Variants in DLC1 observed in about 807,000 individuals in gnomAD.
DLC1 encodes the protein rho GTPase-activating protein 7.
Under a neutral mutation model 140.3 loss-of-function variants are expected in DLC1, and 54 were observed. That is an observed-to-expected ratio of 0.38 (90% CI 0.31 to 0.48). DLC1 has a LOEUF of 0.48. DLC1 is among the 20% of genes least tolerant of loss of function. DLC1 has a pLI of 0.96. For synonymous variants in DLC1, 986 were observed against 728.1 expected (o/e 1.35, Z -5.70); for missense variants, 2,536 against 1,907.0 (o/e 1.33, Z -6.14).
chr8:13,185,225 A>G (rs1027171626), intron 5 of DLC1, among the ~76,000 whole-genome samples: 2 of 146,288 alleles, frequency 1.4e-5, no homozygotes, highest in Admixed American at 7.0e-5. Flanking sequence ...GGTCTCCTGA[A>G]TATAGTACAC....
At chr8:13,311,811 G>C (rs908309673) in intron 4 of DLC1, among the ~76,000 whole-genome samples, 1 of 152,136 alleles carries the variant, frequency 6.6e-6, no homozygotes, top group Admixed American at 6.5e-5. Context: ...GAAATGAGAT[G>C]ACCCTCCCCT....
intron 2 of DLC1, among the ~76,000 whole-genome samples, chr8:13,457,858 C>A (rs117280652): frequency 6.6e-6 from 1 of 152,066 alleles, no homozygotes; most frequent in African/African-American, 2.4e-5. Context: ...TTTCTTAAAC[C>A]TTTACTTTTT....
At chr8:13,372,255 G>C (rs756732551) in intron 4 of DLC1, among the ~76,000 whole-genome samples, 6 of 152,100 alleles carry the variant, frequency 3.9e-5, no homozygotes, top group African/African-American at 1.4e-4. Flanking sequence ...TATTCTAAAA[G>C]TCTCAGAAAA....
At chr8:13,139,282 C>G (rs1449677259) in intron 5 of DLC1, among the ~76,000 whole-genome samples, 1 of 105,614 alleles carries the variant, frequency 9.5e-6, no homozygotes, top group Non-Finnish European at 1.8e-5. Flanking sequence ...GAGTGAGACC[C>G]TGTCTCAAAA....
intron 4 of DLC1, among the ~76,000 whole-genome samples, chr8:13,322,984 C>T (rs962540279): frequency 1.3e-5 from 2 of 152,182 alleles, no homozygotes; most frequent in Non-Finnish European, 2.9e-5. Flanking sequence ...GATACTCAAG[C>T]AGCTCCCTGT....
At chr8:13,467,929 T>G (rs1157418226) in intron 2 of DLC1, among the ~76,000 whole-genome samples, 1 of 152,216 alleles carries the variant, frequency 6.6e-6, no homozygotes, top group Admixed American at 6.5e-5. Flanking sequence ...TTAAGGTGTT[T>G]AAGTGGTTTT....
chr8:13,371,923 A>G (rs184654420), intron 4 of DLC1, among the ~76,000 whole-genome samples: 174 of 152,300 alleles, frequency 1.1e-3, no homozygotes, highest in African/African-American at 3.5e-3. Flanking sequence ...ATTTGAAAGG[A>G]TGTTCACTAC....
chr8:13,567,351 T>C, intron 1 of DLC1: 8 of 1,551,704 alleles, frequency 5.2e-6, no homozygotes, highest in Non-Finnish European at 7.0e-6. Context: ...AAGAATTGAA[T>C]GCCCTGCAGT....
intron 5 of DLC1, among the ~76,000 whole-genome samples, chr8:13,214,054 G>T (rs566101968): frequency 2.6e-5 from 4 of 152,266 alleles, no homozygotes; most frequent in African/African-American, 7.2e-5. Context: ...AAAGTGTTGG[G>T]TTTACAGGTG....
At chr8:13,367,750 T>C (rs7820549) in intron 4 of DLC1, among the ~76,000 whole-genome samples, 1 of 152,110 alleles carries the variant, frequency 6.6e-6, no homozygotes, top group Admixed American at 6.5e-5. Context: ...CTGAAATTGG[T>C]CAATTTCAGG....
chr8:13,258,314 G>T (rs1563203632), intron 5 of DLC1, among the ~76,000 whole-genome samples: 1 of 152,154 alleles, frequency 6.6e-6, no homozygotes, highest in Admixed American at 6.5e-5. Flanking sequence ...TGAAGTAATA[G>T]ATCAACAGAA....
chr8:13,230,855 C>T (rs1250306815), intron 5 of DLC1, among the ~76,000 whole-genome samples: 1 of 152,064 alleles, frequency 6.6e-6, no homozygotes, highest in African/African-American at 2.4e-5. Flanking sequence ...CCTCGGCCTC[C>T]CAAAGTGCTG....
intron 5 of DLC1, among the ~76,000 whole-genome samples, chr8:13,205,766 A>G (rs1009161070): frequency 2.0e-5 from 3 of 152,334 alleles, no homozygotes; most frequent in African/African-American, 4.8e-5. Context: ...ATGGATGAAC[A>G]TAAGTAGACA....
At chr8:13,462,504 C>A (rs942178500) in intron 2 of DLC1, among the ~76,000 whole-genome samples, 1 of 151,320 alleles carries the variant, frequency 6.6e-6, no homozygotes, top group Non-Finnish European at 1.5e-5. Flanking sequence ...CCCAGGTTCA[C>A]GCCATTCTCC....
At position 13,100,116 on chromosome 8, in the gene DLC1, T is replaced by C. The variant is rs1208616499; in HGVS notation, c.2221A>G (p.Ser741Gly). ...GTCTCCGACTGGCTGCTGCTGCTGC[T>C]GGTCTGCGTGGAGTTGGAAACGCTC... ...KRSVSNSTQT[S>G]SSSSQSETSS... Residue 741 changes from serine (S) to glycine (G), a missense_variant, in exon 9 of 18, where the codon AGC (serine) becomes GGC (glycine). Ser to Gly is a moderately conservative substitution (Grantham distance 56). Coordinates refer to ENST00000276297, the MANE Select transcript of DLC1 (RefSeq NM_182643.3). The C allele has an allele frequency of 1.9e-6, 3 of 1,613,922 alleles. No individual in the cohort carries two copies. Among genetic ancestry groups the C allele is most frequent in the Non-Finnish European group, 1.7e-6 (2 of 1,180,048 alleles).
intron 1 of DLC1, among the ~76,000 whole-genome samples, chr8:13,548,751 C>G (rs1297066457): frequency 6.6e-6 from 1 of 151,948 alleles, no homozygotes; most frequent in African/African-American, 2.4e-5. Context: ...TAATAAACAT[C>G]AAGATAGCCA....
chr8:13,395,357 G>A (rs879704554), intron 3 of DLC1, among the ~76,000 whole-genome samples: 1 of 152,022 alleles, frequency 6.6e-6, no homozygotes, highest in South Asian at 2.1e-4. Flanking sequence ...TCCTCACCTC[G>A]TGATCCACCC....
At chr8:13,351,281 A>G (rs762468215) in intron 4 of DLC1, among the ~76,000 whole-genome samples, 2 of 152,258 alleles carry the variant, frequency 1.3e-5, no homozygotes, top group Non-Finnish European at 2.9e-5. Flanking sequence ...CATGTTATAG[A>G]TGAAGACACT....
chr8:13,403,264 T>C (rs565257457), intron 2 of DLC1, among the ~76,000 whole-genome samples: 76 of 152,192 alleles, frequency 5.0e-4, no homozygotes, highest in Non-Finnish European at 9.6e-4. Context: ...AAGGGGTCCA[T>C]GATATTTGCA....
Sources: gnomAD v4.1 joint callset for allele counts (sites outside exome capture counted in the v4.1 genomes callset) on GRCh38, gnomAD v4.1.1 for gene constraint, MANE v1.5 for transcripts, NCBI Gene and HGNC (gene_info 2026-07-23, HGNC 2026-07-21) for gene names.